LRIT3: variants seen among roughly 807,000 people sequenced by gnomAD.
LRIT3 encodes leucine-rich repeat, immunoglobulin-like domain and transmembrane domain-containing protein 3.
Under a neutral mutation model 22.6 loss-of-function variants are expected in LRIT3, and 14 were observed. The observed-to-expected ratio is 0.62, with a 90% CI of 0.41 to 0.97. The LOEUF (loss-of-function observed/expected upper bound fraction) is 0.97. Among genes scored for constraint, LRIT3 ranks in the 50% least tolerant of loss-of-function variants. The pLI is 0.00. For synonymous variants in LRIT3, 306 were observed against 304.5 expected, an observed-to-expected ratio of 1.01 and a Z score of -0.05; for missense variants, 783 against 803.0, an observed-to-expected ratio of 0.98 and a Z score of 0.30.
In LRIT3 at chr4:109,872,005, T is replaced by A. The variant is rs1465425225; in HGVS notation, c.*1216T>A. On this transcript the variant is annotated 3_prime_UTR_variant, in exon 4 of 4. Transcript: ENST00000594814. ...TGATATTACATGTCACTTAGCAGGA[T>A]GCAACCTGGCCTAGGGATTTCCAGA... The A allele has an allele frequency of 2.0e-5, 3 of 152,238 alleles. No individual in the cohort carries two copies. The highest frequency in any genetic ancestry group is 4.4e-5 in the Non-Finnish European group (3 of 68,040). 9.4% of individuals were successfully genotyped at this position (152,238 alleles called of 1,614,324 possible).
chr4:109,869,889 T>C lies in LRIT3; in HGVS notation c.1140T>C (p.Ser380=). 1 of 1,614,180 alleles carries C rather than the reference T, an allele frequency of 6.2e-7. No individual in the cohort carries two copies. The highest frequency in any genetic ancestry group is 8.5e-7 in the Non-Finnish European group (1 of 1,180,026). The change falls in exon 4 of 4, where the codon TCT becomes TCC. Residue 380 remains serine, a synonymous_variant. Coordinates refer to ENST00000594814, the MANE Select transcript of LRIT3 (RefSeq NM_198506.5). ...QPGSGRSTSV[S]SASSYLWSSS... ...GATCTGGAAGATCTACATCTGTATCTAGCGCATCATCATATCTTTGGTCCT... is the reference window on the plus strand; with the variant it reads ...GATCTGGAAGATCTACATCTGTATCCAGCGCATCATCATATCTTTGGTCCT...
intron 3 of LRIT3, among the ~76,000 whole-genome samples, chr4:109,869,143 G>A (rs1734757765): frequency 6.6e-6 from 1 of 152,104 alleles, no homozygotes; most frequent in African/African-American, 2.4e-5. Flanking sequence ...AAAATGATCT[G>A]CTGTACCTCT....
chr4:109,849,479 ACTG>A (rs1304029994), intron 1 of LRIT3, among the ~76,000 whole-genome samples: 1 of 152,242 alleles, frequency 6.6e-6, no homozygotes, highest in East Asian at 1.9e-4. Context: ...AAGAAACTAA[ACTG>A]TATGGAGACC....
Position 109,870,904 on chromosome 4 carries a change from G to C in LRIT3, c.*115G>C, listed in dbSNP as rs1734819667. 6 of 1,067,086 alleles carry C rather than the reference G, an allele frequency of 5.6e-6. No individual in the cohort carries two copies. The highest frequency in any genetic ancestry group is 7.8e-6 in the Non-Finnish European group (6 of 769,256). The allele number at this position is 1,067,086 out of a possible 1,614,324, so 66.1% of individuals were successfully genotyped here. ...CACATTGTACATGAAAATCACAAATGGAATGCTTTTAAGTATGTTTAAAAA... is the reference window on the plus strand; with the variant it reads ...CACATTGTACATGAAAATCACAAATCGAATGCTTTTAAGTATGTTTAAAAA... On this transcript the variant is annotated 3_prime_UTR_variant, in exon 4 of 4. Coordinates refer to ENST00000594814, the MANE Select transcript of LRIT3 (RefSeq NM_198506.5).
chr4:109,856,733 A>G (rs1734410655), intron 2 of LRIT3, among the ~76,000 whole-genome samples: 3 of 152,170 alleles, frequency 2.0e-5, no homozygotes, highest in Non-Finnish European at 1.5e-5. Context: ...TCTCCCATCC[A>G]TATAATAGTT....
intron 2 of LRIT3, among the ~76,000 whole-genome samples, chr4:109,855,336 T>G (rs1734374589): frequency 6.6e-6 from 1 of 152,208 alleles, no homozygotes; most frequent in Admixed American, 6.5e-5. Flanking sequence ...GTAGAGGTGT[T>G]TATAGTATTC....
At chr4:109,856,132 AG>A (rs1271591956) in intron 2 of LRIT3, among the ~76,000 whole-genome samples, 12 of 152,146 alleles carry the variant, frequency 7.9e-5, no homozygotes, top group African/African-American at 2.9e-4. Flanking sequence ...GGCTCTCTGC[AG>A]GGGGAAGCAC....
rs920864925 is a variant in LRIT3, at chr4:109,872,178, C to T, written c.*1389C>T. ...TAAGAAATGGGAAAGATCTCCCAAA[C>T]TCTGAGAACGGTCCTCAAATAGAAG... On this transcript the variant is annotated 3_prime_UTR_variant, in exon 4 of 4. Coordinates refer to ENST00000594814, the MANE Select transcript of LRIT3 (RefSeq NM_198506.5). The T allele has an allele frequency of 5.9e-5, 9 of 152,176 alleles. No individual in the cohort carries two copies. The highest frequency in any genetic ancestry group is 2.2e-4 in the African/African-American group (9 of 41,380). The allele number at this position is 152,176 out of a possible 1,614,324, so 9.4% of individuals were successfully genotyped here. A position where few individuals can be genotyped will look rare whatever the true frequency, so the allele number is the denominator to read the frequency against.
intron 2 of LRIT3, among the ~76,000 whole-genome samples, chr4:109,853,869 C>T (rs1443176361): frequency 3.3e-5 from 5 of 152,142 alleles, no homozygotes; most frequent in Non-Finnish European, 5.9e-5. Context: ...CTTGTTTTGT[C>T]AGGTTTGTCA....
Position 109,848,303 on chromosome 4 carries a change from C to T in LRIT3, c.102C>T (p.Asp34=), listed in dbSNP as rs557445180. ...CCTGTGATTATCACGGCAGAAATGA[C>T]GGCTCAGGATCAAGGTATGCTCCTC... ...QCTCDYHGRN[D]GSGSRLVLCN... The change falls in exon 1 of 4, where the codon GAC becomes GAT. Residue 34 remains aspartate (D), a synonymous_variant. Transcript: ENST00000594814. 3.3e-5 allele frequency: 41 copies of T among 1,231,142 alleles called. No homozygotes were observed. The East Asian group carries it at 4.7e-4, about 14-fold the overall frequency. 76.3% of individuals were successfully genotyped at this position (1,231,142 alleles called of 1,614,324 possible). A position where few individuals can be genotyped will look rare whatever the true frequency, so the allele number is the denominator to read the frequency against.
Position 109,869,985 on chromosome 4 carries a change from A to G in LRIT3, c.1236A>G (p.Leu412=), listed in dbSNP as rs749381848. The G allele has an allele frequency of 3.1e-6, 5 of 1,613,342 alleles. No individual in the cohort carries two copies. In the Admixed American group the frequency reaches 5.0e-5, roughly 16 times the overall value. ...LSPPSTASFS[L]SPFSSSTVSS... Reference sequence around the variant, plus strand: ...CTCCCTCTACTGCTTCCTTCTCTTTATCTCCTTTCTCCTCCTCCACTGTTT... The same window carrying G: ...CTCCCTCTACTGCTTCCTTCTCTTTGTCTCCTTTCTCCTCCTCCACTGTTT... Residue 412 remains leucine (L), a synonymous_variant, in exon 4 of 4, where the codon TTA becomes TTG. Coordinates refer to ENST00000594814, the MANE Select transcript of LRIT3 (RefSeq NM_198506.5).
chr4:109,853,356 A>T (rs999577097), intron 2 of LRIT3, among the ~76,000 whole-genome samples: 6 of 151,750 alleles, frequency 4.0e-5, no homozygotes, highest in African/African-American at 1.5e-4. Flanking sequence ...TTTTTTTCAT[A>T]TGTTTGTTGG....
At position 109,851,741 on chromosome 4, in the gene LRIT3, T is replaced by A. The variant is rs1259545848; in HGVS notation, c.354T>A (p.Ala118=). 1 of 1,551,652 alleles carries A rather than the reference T, an allele frequency of 6.4e-7. No homozygotes were observed. The highest frequency in any genetic ancestry group is 8.7e-7 in the Non-Finnish European group (1 of 1,147,024). The change falls in exon 2 of 4, where the codon GCT becomes GCA. Residue 118 remains alanine (A), a synonymous_variant. Transcript: ENST00000594814. ...TGCGCTTGGATGGGAATTCTCTGGC[T>A]GCTTTCCCTTGGGCATCTCTGCTGG... ...HELRLDGNSL[A]AFPWASLLDM...
chr4:109,861,141 G>T (rs933794080), intron 2 of LRIT3, among the ~76,000 whole-genome samples: 5 of 152,108 alleles, frequency 3.3e-5, no homozygotes, highest in Non-Finnish European at 7.4e-5. Flanking sequence ...GGCGAAGGCA[G>T]GCAGATCACT....
In LRIT3 at chr4:109,869,882, C is replaced by G; in HGVS notation, c.1133C>G (p.Ser378Cys). 1 of 1,614,206 alleles carries G rather than the reference C, an allele frequency of 6.2e-7. No individual in the cohort carries two copies. The highest frequency in any genetic ancestry group is 8.5e-7 in the Non-Finnish European group (1 of 1,180,040). ...DVQPGSGRST[S>C]VSSASSYLWS... is the part of the protein sequence containing the mutation. ...CAGCCGGGATCTGGAAGATCTACAT[C>G]TGTATCTAGCGCATCATCATATCTT... The change falls in exon 4 of 4, where the codon TCT (serine) becomes TGT (cysteine). Residue 378 changes from serine to cysteine, a missense_variant. Coordinates refer to ENST00000594814, the MANE Select transcript of LRIT3 (RefSeq NM_198506.5).
chr4:109,870,569 G>T lies in LRIT3; in HGVS notation c.1820G>T (p.Cys607Phe). The T allele has an allele frequency of 6.2e-7, 1 of 1,614,020 alleles. No homozygotes were observed. The highest frequency in any genetic ancestry group is 1.3e-5 in the African/African-American group (1 of 75,036). The change falls in exon 4 of 4, where the codon TGC becomes TTC. Residue 607 changes from cysteine to phenylalanine, a missense_variant. Coordinates refer to ENST00000594814, the MANE Select transcript of LRIT3 (RefSeq NM_198506.5). The part of the protein sequence containing the change: ...PLICFLLYKV[C>F]KLQCKSEPFW... Reference sequence around the variant, plus strand: ...ATTTGTTTCTTGTTGTACAAAGTTTGCAAACTGCAATGTAAATCAGAACCT... The same window carrying T: ...ATTTGTTTCTTGTTGTACAAAGTTTTCAAACTGCAATGTAAATCAGAACCT...
rs2347130 is a variant in LRIT3, at chr4:109,867,583, G to A, written c.590-58G>A. 0.18 allele frequency: 234,734 copies of A among 1,334,612 alleles called. 20,636 individuals carry two copies. Among genetic ancestry groups the A allele is most frequent in the Admixed American group, 0.45 (23,328 of 51,754 alleles). The allele number at this position is 1,334,612 out of a possible 1,614,324, so 82.7% of individuals were successfully genotyped here. A position where few individuals can be genotyped will look rare whatever the true frequency, so the allele number is the denominator to read the frequency against. On this transcript the variant is annotated intron_variant, in intron 2 of 3. Coordinates refer to ENST00000594814, the MANE Select transcript of LRIT3 (RefSeq NM_198506.5). Reference sequence around the variant, plus strand: ...AGATCCCTACTTTCTCAAGAGGCAGGATGTAAACTGAAGTCATCAGAATAA... The same window carrying A: ...AGATCCCTACTTTCTCAAGAGGCAGAATGTAAACTGAAGTCATCAGAATAA...
At position 109,850,908 on chromosome 4, in the gene LRIT3, C is replaced by T. The variant is rs74487424; in HGVS notation, c.117-596C>T. On this transcript the variant is annotated intron_variant, in intron 1 of 3. Coordinates refer to ENST00000594814, the MANE Select transcript of LRIT3 (RefSeq NM_198506.5). ...TAGGCAGAAAGCAATGTGCAAGTCA[C>T]GTTATTAAAACAGAGTTCAACTTTA... Among the ~76,000 whole-genome samples, 303 of 152,192 alleles carry T rather than the reference C, an allele frequency of 2.0e-3. 4 individuals carry two copies. Among genetic ancestry groups the T allele is most frequent in the African/African-American group, 6.9e-3 (288 of 41,540 alleles).
chr4:109,860,596 T>C (rs555945514), intron 2 of LRIT3, among the ~76,000 whole-genome samples: 1 of 152,364 alleles, frequency 6.6e-6, no homozygotes, highest in African/African-American at 2.4e-5. Context: ...GAATGCAGGA[T>C]TGTAAGTCTA....
Sources: allele counts gnomAD v4.1 joint callset (sites outside exome capture counted in the v4.1 genomes callset), GRCh38; gene constraint gnomAD v4.1.1; transcripts MANE v1.5; gene names NCBI Gene and HGNC (gene_info 2026-07-23, HGNC 2026-07-21).